The following LY96 variants were observed in gnomAD, a reference collection of about 807,000 sequenced individuals.
The protein encoded by LY96 is myeloid differentiation protein-2.
LY96 carries 18 observed loss-of-function variants against 18.9 expected under a neutral mutation model. The observed-to-expected ratio is 0.95, with a 90% confidence interval of 0.66 to 1.41. The LOEUF is 1.41. Among genes scored for constraint, LY96 ranks in the 40% most tolerant of loss-of-function variants. The probability of loss-of-function intolerance (pLI) is 0.00; values close to 1 mark genes in which losing one functional copy is unlikely to be tolerated. For synonymous variants in LY96, 66 were observed against 62.6 expected (o/e 1.06, Z -0.26); for missense variants, 175 against 182.4 (o/e 0.96, Z 0.23).
At chr8:73,998,421 A>T (rs1040309103) in intron 1 of LY96, among the ~76,000 whole-genome samples, 52 of 152,140 alleles carry the variant, frequency 3.4e-4, no homozygotes, top group African/African-American at 1.2e-3. Context: ...CATGCCTATA[A>T]TCCTAGTGCT....
intron 1 of LY96, among the ~76,000 whole-genome samples, chr8:73,995,081 T>C (rs944691157): frequency 2.0e-5 from 3 of 152,208 alleles, no homozygotes; most frequent in Non-Finnish European, 4.4e-5. Context: ...AATGTCATTA[T>C]TGAGGGAGTG....
At chr8:73,995,211 C>A (rs994699824) in intron 1 of LY96, among the ~76,000 whole-genome samples, 5 of 152,202 alleles carry the variant, frequency 3.3e-5, no homozygotes, top group African/African-American at 1.2e-4. Flanking sequence ...ATACCAGCAC[C>A]TTCACATGGA....
intron 3 of LY96, among the ~76,000 whole-genome samples, chr8:74,012,536 G>A (rs1402520904): frequency 6.6e-6 from 1 of 152,096 alleles, no homozygotes; most frequent in Non-Finnish European, 1.5e-5. Context: ...GAAGGGTGAG[G>A]GGGTGGATGA....
chr8:74,053,026 T>C, the LY96 span, among the ~76,000 whole-genome samples: 11 of 152,216 alleles, frequency 7.2e-5, no homozygotes, highest in Admixed American at 2.6e-4. Flanking sequence ...GACATTATTG[T>C]ACCTGCCAAG....
the LY96 span, among the ~76,000 whole-genome samples, chr8:74,042,373 TAGTC>T: frequency 6.6e-6 from 1 of 152,072 alleles, no homozygotes; most frequent in Admixed American, 6.5e-5. Context: ...TACAAAAAAT[TAGTC>T]AGACATGGTG....
chr8:74,048,803 AAG>A, the LY96 span: 61 of 133,712 alleles, frequency 4.6e-4, no homozygotes, highest in African/African-American at 1.9e-3. Flanking sequence ...GAAGGAGAAA[AAG>A]AAAAAAAGAG....
chr8:74,033,869 T>A (rs1817008062), downstream of LY96, among the ~76,000 whole-genome samples: 1 of 151,906 alleles, frequency 6.6e-6, no homozygotes, highest in Non-Finnish European at 1.5e-5. Flanking sequence ...TGTAGTAAGA[T>A]TCGTTTCTTT....
intron 1 of LY96, among the ~76,000 whole-genome samples, chr8:73,995,376 C>T (rs923908879): frequency 6.6e-6 from 1 of 152,224 alleles, no homozygotes; most frequent in Non-Finnish European, 1.5e-5. Flanking sequence ...TCTGTGTGTG[C>T]ACATCCCTGG....
intron 3 of LY96, among the ~76,000 whole-genome samples, chr8:74,014,773 G>A (rs1217832389): frequency 6.7e-6 from 1 of 149,080 alleles, no homozygotes; most frequent in Non-Finnish European, 1.5e-5. Flanking sequence ...ATATGGACAA[G>A]CAATTATAAA....
At chr8:74,034,231 G>A in the LY96 span, among the ~76,000 whole-genome samples, 370 of 152,246 alleles carry the variant, frequency 2.4e-3, 3 homozygotes, top group South Asian at 7.1e-3. Flanking sequence ...AATTAGCCAG[G>A]TGTGGTGGTG....
chr8:74,077,782 A>G, the LY96 span, among the ~76,000 whole-genome samples: 1 of 152,012 alleles, frequency 6.6e-6, no homozygotes, highest in African/African-American at 2.4e-5. Context: ...AAAAATACCA[A>G]AGGTCATTTA....
intron 2 of LY96, 141 bp downstream of exon 2, chr8:74,005,026 C>A (rs1430769715): frequency 3.4e-6 from 3 of 871,920 alleles, no homozygotes; most frequent in Admixed American, 2.3e-5. Context: ...CTTAACACAG[C>A]ACACATTTAT....
intron 3 of LY96, among the ~76,000 whole-genome samples, chr8:74,017,986 G>A (rs543246164): frequency 6.6e-6 from 1 of 152,280 alleles, no homozygotes; most frequent in South Asian, 2.1e-4. Context: ...GGAAGAAACT[G>A]CATAAATTAA....
the LY96 span, among the ~76,000 whole-genome samples, chr8:74,055,317 T>A: frequency 9.5e-4 from 144 of 152,292 alleles, 1 homozygote; most frequent in East Asian, 0.025. Flanking sequence ...ATTTATTTAT[T>A]TTTTGAGACC....
chr8:74,054,603 C>T, the LY96 span, among the ~76,000 whole-genome samples: 3 of 97,870 alleles, frequency 3.1e-5, no homozygotes, highest in African/African-American at 1.2e-4. Context: ...TTCTTTCTTT[C>T]TTGTTTCCTT....
At chr8:74,091,860 C>A in the LY96 span, among the ~76,000 whole-genome samples, 4 of 152,186 alleles carry the variant, frequency 2.6e-5, no homozygotes, top group Non-Finnish European at 5.9e-5. Flanking sequence ...CTCCCTCAAG[C>A]CTTCCTTGAA....
At chr8:74,019,654 C>T (rs923577894) in intron 3 of LY96, among the ~76,000 whole-genome samples, 2 of 152,106 alleles carry the variant, frequency 1.3e-5, no homozygotes, top group Admixed American at 1.3e-4. Context: ...TAATGAACAT[C>T]GATGAGAAAA....
At chr8:74,081,126 C>CTTTCTTTCT in the LY96 span, among the ~76,000 whole-genome samples, 76 of 23,124 alleles carry the variant, frequency 3.3e-3, 1 homozygote, top group South Asian at 0.018. Flanking sequence ...TCTTTCTTTC[C>CTTTCTTTCT]TTCCTTCCTT....
chr8:74,009,923 A>T, intron 2 of LY96, 78 bp from the exon 3 acceptor site: 1 of 1,052,640 alleles, frequency 9.5e-7, no homozygotes, highest in Non-Finnish European at 1.5e-6. Context: ...GGCCCCTTTT[A>T]ACTATACAAT....
Sources: allele counts gnomAD v4.1 joint callset (sites outside exome capture counted in the v4.1 genomes callset), GRCh38; gene constraint gnomAD v4.1.1; transcripts MANE v1.5; gene names NCBI Gene and HGNC (gene_info 2026-07-23, HGNC 2026-07-21).